Variants in TRIO observed in about 807,000 individuals in gnomAD.
TRIO encodes the protein triple functional domain protein.
Under a neutral mutation model 351.9 loss-of-function variants are expected in TRIO, and 58 were observed. The ratio of observed to expected loss-of-function variants is 0.16; its 90% CI spans 0.13 to 0.21. The LOEUF is 0.21. Among genes scored for constraint, TRIO ranks in the 10% least tolerant of loss-of-function variants. The pLI, the probability that TRIO is intolerant of heterozygous loss-of-function variation, is 1.00. For synonymous variants in TRIO, 1,758 were observed against 1,595.7 expected (o/e 1.10, Z -2.42); for missense variants, 3,201 against 4,027.8 (o/e 0.79, Z 5.56).
intron 35 of TRIO, 109 bp downstream of exon 35, chr5:14,461,420 A>G (rs368781291): frequency 7.4e-6 from 10 of 1,358,724 alleles, no homozygotes; most frequent in Admixed American, 6.1e-5. Flanking sequence ...TGTTTTCCGC[A>G]CTTACTCAGA....
At chr5:14,165,171 G>A (rs1581257398) in intron 1 of TRIO, among the ~76,000 whole-genome samples, 2 of 152,168 alleles carry the variant, frequency 1.3e-5, no homozygotes, top group South Asian at 4.1e-4. Flanking sequence ...GAGCAGATTT[G>A]TTATGTGAGA....
At chr5:14,238,534 G>T (rs1441632573) in intron 1 of TRIO, among the ~76,000 whole-genome samples, 2 of 152,146 alleles carry the variant, frequency 1.3e-5, no homozygotes, top group African/African-American at 4.8e-5. Context: ...TCCTGCCGCT[G>T]GTGCATGGGA....
intron 30 of TRIO, among the ~76,000 whole-genome samples, chr5:14,400,134 G>T (rs561934129): frequency 2.6e-5 from 4 of 152,136 alleles, no homozygotes; most frequent in South Asian, 4.1e-4. Flanking sequence ...TCGTCTTTTG[G>T]ATCACAGCTT....
chr5:14,503,234 T>G (rs1430421807), intron 54 of TRIO, among the ~76,000 whole-genome samples: 2 of 152,142 alleles, frequency 1.3e-5, no homozygotes, highest in Non-Finnish European at 2.9e-5. Flanking sequence ...AAGAGCAAGG[T>G]CAGAGGAGCA....
intron 44 of TRIO, 36 bp from the exon 45 acceptor site, chr5:14,481,505 A>G (rs761128993): frequency 1.2e-6 from 2 of 1,610,940 alleles, no homozygotes; most frequent in Admixed American, 1.7e-5. Flanking sequence ...CCCTAGAGGA[A>G]CTTGAGCTTT....
intron 1 of TRIO, among the ~76,000 whole-genome samples, chr5:14,227,882 T>G (rs1017477933): frequency 6.6e-6 from 1 of 152,246 alleles, no homozygotes; most frequent in African/African-American, 2.4e-5. Flanking sequence ...AAGTCTCTTA[T>G]GAGTAAAATT....
chr5:14,384,908 A>C (rs1366078846), intron 21 of TRIO, among the ~76,000 whole-genome samples: 2 of 152,182 alleles, frequency 1.3e-5, no homozygotes, highest in Non-Finnish European at 1.5e-5. Flanking sequence ...AAGAACTTTT[A>C]CAAATCAATA....
rs541417535 is a variant in TRIO, at chr5:14,412,730, A to G, written c.4959+6058A>G. Among the ~76,000 whole-genome samples, 28 of 152,330 alleles carry G rather than the reference A, an allele frequency of 1.8e-4. No homozygotes were observed. In the East Asian group the frequency reaches 5.4e-3, roughly 29 times the overall value. ...TTAATTCAGAAGCCTTTTCCACAGGATGGTGCTTATTTTAACGTCCTTTAT... is the reference window on the plus strand; with the variant it reads ...TTAATTCAGAAGCCTTTTCCACAGGGTGGTGCTTATTTTAACGTCCTTTAT... On this transcript the variant is annotated intron_variant, in intron 33 of 56. Transcript: ENST00000344204.
chr5:14,311,623 G>GT (rs1358211174), intron 8 of TRIO, among the ~76,000 whole-genome samples: 3 of 152,212 alleles, frequency 2.0e-5, no homozygotes, highest in African/African-American at 7.2e-5. Context: ...AATAAGCTGG[G>GT]TGGTTACCTG....
chr5:14,270,281 G>A (rs576794650), intron 1 of TRIO, among the ~76,000 whole-genome samples: 22 of 152,290 alleles, frequency 1.4e-4, no homozygotes, highest in African/African-American at 4.8e-4. Flanking sequence ...CCTCCAGGGG[G>A]CATGACCCAG....
intron 32 of TRIO, 32 bp from the exon 33 acceptor site, chr5:14,406,541 A>G (rs1358722824): frequency 1.2e-6 from 2 of 1,605,224 alleles, no homozygotes; most frequent in Non-Finnish European, 1.7e-6. Context: ...GCTCAGCAGC[A>G]TCAGGAACTA....
chr5:14,310,086 C>A (rs1738782818), intron 8 of TRIO, among the ~76,000 whole-genome samples: 1 of 152,348 alleles, frequency 6.6e-6, no homozygotes, highest in South Asian at 2.1e-4. Context: ...CTTGCTTCAG[C>A]TTGCCAGCTC....
rs766034973 is a variant in TRIO at position 14,489,028 on chromosome 5, A to C, written c.7632+768A>C. The C allele has an allele frequency of 1.0e-5, 8 of 765,294 alleles. No individual in the cohort carries two copies. The Admixed American group carries it at 1.4e-4, about 13-fold the overall frequency. The allele number at this position is 765,294 out of a possible 1,614,324, so 47.4% of individuals were successfully genotyped here. ...ACTGTCCTACCCACCTGTTTCCTAC[A>C]GGGCAGATGGCCTGGCCCGTAACAC... On this transcript the variant is annotated intron_variant, in intron 48 of 56. Transcript: ENST00000344204.
intron 27 of TRIO, among the ~76,000 whole-genome samples, chr5:14,391,925 C>T (rs1423684604): frequency 6.6e-6 from 1 of 152,222 alleles, no homozygotes; most frequent in Non-Finnish European, 1.5e-5. Context: ...TAATAGGAAG[C>T]CTTCTCCCAG....
chr5:14,260,886 G>A (rs1014108187), intron 1 of TRIO, among the ~76,000 whole-genome samples: 2 of 152,208 alleles, frequency 1.3e-5, no homozygotes, highest in African/African-American at 4.8e-5. Context: ...TTTGGTGTAT[G>A]TTTTCCCCAG....
In TRIO at chr5:14,330,832, G is replaced by T. The variant is rs775983297; in HGVS notation, c.1786G>T (p.Val596Leu). The T allele has an allele frequency of 1.9e-6, 3 of 1,614,188 alleles. No homozygotes were observed. Among genetic ancestry groups the T allele is most frequent in the Non-Finnish European group, 2.5e-6 (3 of 1,180,004 alleles). Residue 596 changes from valine to leucine, a missense_variant, in exon 10 of 57, where the codon GTG (valine) becomes TTG (leucine). Coordinates refer to ENST00000344204, the MANE Select transcript of TRIO (RefSeq NM_007118.4). The stretch of plus-strand genomic sequence containing the variant: ...AGCATTTCTGAGCAAACATACAGGT[G>T]TGGGGAAATCTCTTCATCGGGCCAG... ...GEAFLSKHTGVGKSLHRARAL... is the reference protein window; with the variant it reads ...GEAFLSKHTGLGKSLHRARAL...
At chr5:14,153,438 A>G (rs1174713602) in intron 1 of TRIO, among the ~76,000 whole-genome samples, 1 of 152,208 alleles carries the variant, frequency 6.6e-6, no homozygotes, top group Non-Finnish European at 1.5e-5. Flanking sequence ...TTTTTCTCCC[A>G]AAGCTGTAAG....
rs1753764217 is a variant in TRIO, at chr5:14,461,131, C to T, written c.5316C>T (p.Thr1772=). ...SSPGPKRPGN[T]LRKWLTSPVR... The stretch of plus-strand genomic sequence containing the variant: ...CGGGCCCCAAGCGGCCGGGCAACAC[C>T]CTGCGCAAGTGGCTCACCAGCCCCG... The change falls in exon 35 of 57, where the codon ACC becomes ACT. Residue 1772 remains threonine, a synonymous_variant. Coordinates refer to ENST00000344204, the MANE Select transcript of TRIO (RefSeq NM_007118.4). 1 of 1,556,892 alleles carries T rather than the reference C, an allele frequency of 6.4e-7. No homozygotes were observed. The highest frequency in any genetic ancestry group is 8.7e-7 in the Non-Finnish European group (1 of 1,151,100).
intron 1 of TRIO, among the ~76,000 whole-genome samples, chr5:14,222,844 G>A (rs1412345704): frequency 6.6e-6 from 1 of 152,244 alleles, no homozygotes; most frequent in African/African-American, 2.4e-5. Flanking sequence ...GAGATGTTAA[G>A]GCGCGGGCTT....
Sources: allele counts gnomAD v4.1 joint callset (sites outside exome capture counted in the v4.1 genomes callset), GRCh38; gene constraint gnomAD v4.1.1; transcripts MANE v1.5; gene names NCBI Gene and HGNC (gene_info 2026-07-23, HGNC 2026-07-21).